Variants in MAGEA11 observed in about 807,000 individuals in gnomAD.
The protein encoded by MAGEA11 is MAGE family member A11, also known as melanoma-associated antigen 11.
In MAGEA11, 1 loss-of-function variant was observed where a neutral mutation model predicts 8.4. The ratio of observed to expected loss-of-function variants is 0.12; its 90% CI spans 0.04 to 0.57. The LOEUF (loss-of-function observed/expected upper bound fraction) is 0.57. MAGEA11 is among the 20% of genes least tolerant of loss of function. MAGEA11 has a pLI of 0.91. For synonymous variants in MAGEA11, 127 were observed against 119.3 expected, an observed-to-expected ratio of 1.06 and a Z score of -0.42; for missense variants, 209 against 317.3, an observed-to-expected ratio of 0.66 and a Z score of 2.59.
chrX:149,689,138 A>G (rs1348736879), intron 1 of MAGEA11, among the ~76,000 whole-genome samples: 7 of 112,133 alleles, frequency 6.2e-5, no homozygotes, highest in Non-Finnish European at 1.3e-4. Context: ...CCTTGTCACA[A>G]CAGAGAACCT....
At position 149,714,549 on chromosome X, in the gene MAGEA11, G is replaced by A; in HGVS notation, c.165G>A (p.Gln55=). The change falls in exon 3 of 5, where the codon CAG becomes CAA. Residue 55 remains glutamine, a synonymous_variant. Transcript: ENST00000355220. ...TERAPYGPQL[Q]WSQDLPRVQV... ...GAGCCCCATATGGTCCACAACTACA[G>A]TGGTCCCAGGATCTGCCAAGAGTCC... 3.3e-6 allele frequency: 4 copies of A among 1,211,420 alleles called. No homozygotes were observed. The highest frequency in any genetic ancestry group is 4.5e-6 in the Non-Finnish European group (4 of 895,303).
At chrX:149,701,623 A>G (rs1441242330) in intron 1 of MAGEA11, among the ~76,000 whole-genome samples, 23 of 110,084 alleles carry the variant, frequency 2.1e-4, no homozygotes, top group African/African-American at 7.3e-4. Context: ...TTGGTGTTTT[A>G]GACATGAAGT....
chrX:149,697,721 C>T (rs1206473445), intron 1 of MAGEA11, among the ~76,000 whole-genome samples: 1 of 111,314 alleles, frequency 9.0e-6, no homozygotes, highest in Non-Finnish European at 1.9e-5. Context: ...AATCTCAAAA[C>T]TTGGTGCCCT....
At chrX:149,699,826 A>G (rs1027887191) in intron 1 of MAGEA11, among the ~76,000 whole-genome samples, 3 of 112,296 alleles carry the variant, frequency 2.7e-5, no homozygotes, top group African/African-American at 9.7e-5. Flanking sequence ...GTAATTATAA[A>G]GGAAAAAAGT....
intron 1 of MAGEA11, among the ~76,000 whole-genome samples, chrX:149,692,329 C>A (rs1000694636): frequency 1.8e-5 from 2 of 110,572 alleles, no homozygotes; most frequent in African/African-American, 6.6e-5. Context: ...ATCACATGAA[C>A]CTGAGAGGCA....
At chrX:149,701,886 G>T (rs1399338203) in intron 1 of MAGEA11, among the ~76,000 whole-genome samples, 1 of 111,529 alleles carries the variant, frequency 9.0e-6, no homozygotes, top group Non-Finnish European at 1.9e-5. Flanking sequence ...TAGATATGCG[G>T]CGTTATTTCT....
At chrX:149,688,686 ATATACATATAC>A, upstream of MAGEA11, 1 of 195,538 alleles carries the variant, frequency 5.1e-6, no homozygotes, top group South Asian at 8.3e-5. Flanking sequence ...ATACATATAC[ATATACATATAC>A]ATATACATAT....
At position 149,702,336 on chromosome X, in the gene MAGEA11, G is replaced by C. The variant is rs782412111; in HGVS notation, c.10-12145G>C. Among the ~76,000 whole-genome samples the C allele has an allele frequency of 5.4e-5, 6 of 110,220 alleles. No homozygotes were observed. The Admixed American group carries it at 5.8e-4, about 11-fold the overall frequency. On this transcript the variant is annotated intron_variant, in intron 1 of 3. Coordinates refer to the MAGEA11 transcript ENST00000333104. Reference sequence around the variant, plus strand: ...TTAATTCTTTCTTTCTATATTTTGGGGTCTGTGTTATTAGGTACATATATG... The same window carrying C: ...TTAATTCTTTCTTTCTATATTTTGGCGTCTGTGTTATTAGGTACATATATG...
At chrX:149,697,646 G>T (rs1169100043) in intron 1 of MAGEA11, among the ~76,000 whole-genome samples, 2 of 110,609 alleles carry the variant, frequency 1.8e-5, no homozygotes, top group Non-Finnish European at 3.8e-5. Context: ...ACTCCTGGCT[G>T]GCTTGAGGCC....
intron 1 of MAGEA11, among the ~76,000 whole-genome samples, chrX:149,712,571 G>A (rs1401158074): frequency 6.3e-5 from 7 of 111,578 alleles, no homozygotes; most frequent in Non-Finnish European, 1.3e-4. Context: ...TGAGGGCAGC[G>A]GGCCCAGGCT....
chrX:149,711,712 C>T (rs2090401173), upstream of MAGEA11: 2 of 418,530 alleles, frequency 4.8e-6, no homozygotes, highest in South Asian at 1.2e-4. Flanking sequence ...CCCGGAAGAC[C>T]TTGGCAATGT....
chrX:149,708,675 G>A (rs980167181), upstream of MAGEA11, among the ~76,000 whole-genome samples: 1 of 110,914 alleles, frequency 9.0e-6, no homozygotes, highest in Non-Finnish European at 1.9e-5. Flanking sequence ...ATTGAAGCCA[G>A]ACCCTTTTCT....
intron 2 of MAGEA11, chrX:149,713,579 G>A (rs2090413045): frequency 5.0e-6 from 1 of 199,904 alleles, no homozygotes; most frequent in Non-Finnish European, 8.9e-6. Flanking sequence ...GAGAGACATG[G>A]ATAGGCCTTG....
intron 1 of MAGEA11, among the ~76,000 whole-genome samples, chrX:149,702,598 A>G (rs2090359297): frequency 9.0e-6 from 1 of 111,249 alleles, no homozygotes; most frequent in Non-Finnish European, 1.9e-5. Context: ...AATAATCAGT[A>G]TATAGTTAGA....
chrX:149,696,300 C>T (rs782407197), intron 1 of MAGEA11, among the ~76,000 whole-genome samples: 1 of 109,733 alleles, frequency 9.1e-6, no homozygotes, highest in Non-Finnish European at 1.9e-5. Flanking sequence ...GGCAGATTCT[C>T]GGTGTGCCCT....
intron 2 of MAGEA11, 115 bp from the exon 3 acceptor site, chrX:149,714,366 G>A: frequency 9.4e-7 from 1 of 1,063,109 alleles, no homozygotes; most frequent in Admixed American, 3.4e-5. Context: ...ACCCACAGGA[G>A]GACTTTGGAA....
rs782743191 is a variant in MAGEA11 at position 149,691,832 on chromosome X, T to G, written c.9+2848T>G. Among the ~76,000 whole-genome samples the G allele has an allele frequency of 2.7e-5, 3 of 112,979 alleles. No homozygotes were observed. The Admixed American group carries it at 2.8e-4, about 11-fold the overall frequency. The stretch of plus-strand genomic sequence containing the variant: ...GCTGTGTACTCTGCCCTCCAGGCAG[T>G]AAGCTAAGGAAATTTTAGGGCTCAC... On this transcript the variant is annotated intron_variant, in intron 1 of 3. Transcript: ENST00000333104.
intron 2 of MAGEA11, chrX:149,714,064 GA>G (rs782182372): frequency 1.1e-4 from 14 of 123,272 alleles, no homozygotes; most frequent in Admixed American, 9.5e-4. Flanking sequence ...CTGATCAGCA[GA>G]GGGAGGAGTC....
chrX:149,700,797 T>C (rs2124288262), intron 1 of MAGEA11, among the ~76,000 whole-genome samples: 1 of 102,013 alleles, frequency 9.8e-6, no homozygotes, highest in South Asian at 5.3e-4. Context: ...TTCCCACCTA[T>C]GAGTGAGAAT....
Sources: gnomAD v4.1 joint callset for allele counts (sites outside exome capture counted in the v4.1 genomes callset) on GRCh38, gnomAD v4.1.1 for gene constraint, MANE v1.5 for transcripts, NCBI Gene and HGNC (gene_info 2026-07-23, HGNC 2026-07-21) for gene names.